Variants in NIN observed in about 807,000 individuals in gnomAD.
The protein encoded by NIN is glycogen synthase kinase 3 beta-interacting protein.
A neutral mutation model predicts 257.6 loss-of-function variants in NIN; 137 were observed. The observed-to-expected ratio is 0.53, with a 90% CI of 0.46 to 0.61. NIN has a LOEUF of 0.61. Among genes scored for constraint, NIN ranks in the 20% least tolerant of loss-of-function variants. The probability of loss-of-function intolerance (pLI) is 0.00; values close to 1 mark genes in which losing one functional copy is unlikely to be tolerated. For missense variants in NIN, 2,439 were observed against 2,501.2 expected, an observed-to-expected ratio of 0.98 and a Z score of 0.53; for synonymous variants, 918 against 919.8, an observed-to-expected ratio of 1.00 and a Z score of 0.04.
chr14:50,722,974 T>G lies in NIN; in HGVS notation c.*489A>C, dbSNP rs1009497212. ...AGCCCTGCCTCCTAACCAATTATAC[T>G]CTACTAATTGTCTACCAATTCAAAG... On this transcript the variant is annotated 3_prime_UTR_variant, in exon 31 of 31. Transcript: ENST00000530997. 1 of 212,876 alleles carries G rather than the reference T, an allele frequency of 4.7e-6. No individual in the cohort carries two copies. The highest frequency in any genetic ancestry group is 9.5e-6 in the Non-Finnish European group (1 of 105,500). The allele number at this position is 212,876 out of a possible 1,614,324, so 13.2% of individuals were successfully genotyped here. A position where few individuals can be genotyped will look rare whatever the true frequency, so the allele number is the denominator to read the frequency against.
chr14:50,818,261 T>C (rs2045020310), intron 3 of NIN, among the ~76,000 whole-genome samples: 1 of 146,364 alleles, frequency 6.8e-6, no homozygotes, highest in Non-Finnish European at 1.5e-5. Flanking sequence ...AGGCGGAGCT[T>C]GCAGTGAGCC....
chr14:50,740,804 A>G (rs1437841474), intron 25 of NIN, among the ~76,000 whole-genome samples: 1 of 152,176 alleles, frequency 6.6e-6, no homozygotes, highest in Non-Finnish European at 1.5e-5. Context: ...TTTTTTTATA[A>G]AAAGTTTCAC....
At chr14:50,789,447 C>G (rs912381266) in intron 5 of NIN, among the ~76,000 whole-genome samples, 16 of 152,200 alleles carry the variant, frequency 1.1e-4, no homozygotes, top group Admixed American at 2.0e-4. Context: ...GTGGCATGTG[C>G]CTGTAACCCA....
rs925824335 is a variant in NIN at position 50,772,961 on chromosome 14, G to A, written c.801C>T (p.His267=). 2.5e-6 allele frequency: 4 copies of A among 1,609,698 alleles called. No homozygotes were observed. In the African/African-American group the frequency reaches 5.4e-5, roughly 22 times the overall value. Reference sequence around the variant, plus strand: ...GCTTATTTTTTACCTGCATGGAAAGGTGCCTTTTTAGTTGTCTATATGGAG... The same window carrying A: ...GCTTATTTTTTACCTGCATGGAAAGATGCCTTTTTAGTTGTCTATATGGAG... ...ASTPYRQLKR[H]LSMQSFDESG... Residue 267 remains histidine (H), a synonymous_variant, in exon 8 of 31, where the codon CAC becomes CAT. Coordinates refer to ENST00000530997, the MANE Select transcript of NIN (RefSeq NM_020921.4).
chr14:50,757,968 T>C lies in NIN; in HGVS notation c.3062A>G (p.Glu1021Gly). The change falls in exon 18 of 31, where the codon GAA (glutamate) becomes GGA (glycine). Residue 1021 changes from glutamate to glycine, a missense_variant. This residue lies in a region of NIN where 2,043 missense variants were observed against 2,050.2 expected (regional missense o/e 1.00). Transcript: ENST00000530997. Reference sequence around the variant, plus strand: ...GAGAGGAGATGTTGCCTGCTGCATTTCCTTTATTTTACTCTGAAGTCTGGA... The same window carrying C: ...GAGAGGAGATGTTGCCTGCTGCATTCCCTTTATTTTACTCTGAAGTCTGGA... ...EISRLQSKIK[E>G]MQQATSPLSM... The C allele has an allele frequency of 1.2e-6, 2 of 1,614,214 alleles. No individual in the cohort carries two copies. Among genetic ancestry groups the C allele is most frequent in the East Asian group, 2.2e-5 (1 of 44,878 alleles).
intron 5 of NIN, among the ~76,000 whole-genome samples, chr14:50,790,900 A>C (rs901860162): frequency 6.6e-6 from 1 of 152,232 alleles, no homozygotes; most frequent in Admixed American, 6.5e-5. Context: ...TAACAAGGAT[A>C]TAAGAAACAT....
chr14:50,771,057 G>C, intron 10 of NIN, 65 bp from the exon 11 acceptor site: 3 of 1,557,468 alleles, frequency 1.9e-6, no homozygotes, highest in Middle Eastern at 1.7e-4. Context: ...ACCCAGAAAA[G>C]CTCTCATCTG....
intron 4 of NIN, among the ~76,000 whole-genome samples, chr14:50,804,666 G>T (rs970369554): frequency 1.3e-5 from 2 of 152,076 alleles, no homozygotes; most frequent in African/African-American, 4.8e-5. Flanking sequence ...TTCCTGGCTG[G>T]GACCAAGCTC....
At chr14:50,800,141 T>G (rs1253382105) in intron 4 of NIN, among the ~76,000 whole-genome samples, 1 of 152,176 alleles carries the variant, frequency 6.6e-6, no homozygotes, top group Non-Finnish European at 1.5e-5. Context: ...ATATACATAT[T>G]TTTAAGTTGC....
rs1385703898 is a variant in NIN at position 50,720,523 on chromosome 14, C to T, written c.*2940G>A. 2 of 209,790 alleles carry T rather than the reference C, an allele frequency of 9.5e-6. No homozygotes were observed. The highest frequency in any genetic ancestry group is 1.9e-5 in the Non-Finnish European group (2 of 102,954). 13.0% of individuals were successfully genotyped at this position (209,790 alleles called of 1,614,324 possible). On this transcript the variant is annotated 3_prime_UTR_variant, in exon 31 of 31. Coordinates refer to ENST00000530997, the MANE Select transcript of NIN (RefSeq NM_020921.4). The stretch of plus-strand genomic sequence containing the variant: ...AATACTAGACCTGCAAGATCTCTTC[C>T]TATGCCTTGGAAGCCTATGACTTCA...
intron 12 of NIN, among the ~76,000 whole-genome samples, chr14:50,769,286 G>T (rs527511387): frequency 8.5e-5 from 13 of 152,248 alleles, no homozygotes; most frequent in African/African-American, 3.1e-4. Context: ...GTGGTACCCA[G>T]ATCTAAACCA....
chr14:50,806,404 C>A (rs1299433087), intron 4 of NIN: 1 of 180,574 alleles, frequency 5.5e-6, no homozygotes, highest in Non-Finnish European at 1.1e-5. Context: ...GAAAAAATTT[C>A]CCCAAATCAT....
rs150742753 is a variant in NIN at position 50,762,740 on chromosome 14, G to A, written c.1775-829C>T. Reference sequence around the variant, plus strand: ...TATGACTAATCTCTTAAGGCAGTGGGACCCAAAATAGCTTTGCATGTGGGG... The same window carrying A: ...TATGACTAATCTCTTAAGGCAGTGGAACCCAAAATAGCTTTGCATGTGGGG... On this transcript the variant is annotated intron_variant, in intron 15 of 30. Coordinates refer to ENST00000530997, the MANE Select transcript of NIN (RefSeq NM_020921.4). Among the ~76,000 whole-genome samples, 3 of 152,320 alleles carry A rather than the reference G, an allele frequency of 2.0e-5. No homozygotes were observed. The East Asian group carries it at 5.8e-4, about 29-fold the overall frequency.
intron 5 of NIN, among the ~76,000 whole-genome samples, chr14:50,784,483 G>C (rs1327614122): frequency 6.6e-6 from 1 of 152,180 alleles, no homozygotes; most frequent in Non-Finnish European, 1.5e-5. Context: ...ACTTACAACA[G>C]TGCCCATTAA....
At chr14:50,764,988 G>A (rs979496256) in intron 14 of NIN, among the ~76,000 whole-genome samples, 5 of 150,226 alleles carry the variant, frequency 3.3e-5, no homozygotes, top group Non-Finnish European at 7.4e-5. Flanking sequence ...AAGTGGATGA[G>A]GCTGGGTGGG....
At chr14:50,737,697 G>A (rs1296360467) in intron 27 of NIN, among the ~76,000 whole-genome samples, 2 of 148,098 alleles carry the variant, frequency 1.4e-5, no homozygotes, top group Non-Finnish European at 3.0e-5. Flanking sequence ...CCAGGCTGGA[G>A]TACACTGTGT....
intron 21 of NIN, among the ~76,000 whole-genome samples, chr14:50,751,357 A>C (rs539561220): frequency 5.9e-5 from 9 of 152,358 alleles, no homozygotes; most frequent in Admixed American, 5.9e-4. Context: ...AAATTCACCT[A>C]CAAAAAGGCG....
At chr14:50,794,204 G>T (rs1410621334) in intron 4 of NIN, among the ~76,000 whole-genome samples, 1 of 152,166 alleles carries the variant, frequency 6.6e-6, no homozygotes, top group African/African-American at 2.4e-5. Flanking sequence ...CCTTCCCTCT[G>T]GGACAAGCTC....
intron 21 of NIN, among the ~76,000 whole-genome samples, chr14:50,750,359 C>T (rs2041735583): frequency 6.6e-6 from 1 of 152,232 alleles, no homozygotes; most frequent in South Asian, 2.1e-4. Context: ...TACCGCAGAT[C>T]TCAATGTAAC....
Sources: gnomAD v4.1 joint callset for allele counts (sites outside exome capture counted in the v4.1 genomes callset) on GRCh38, gnomAD v4.1.1 for gene constraint, gnomAD v4.1.1 regional missense constraint, MANE v1.5 for transcripts, NCBI Gene and HGNC (gene_info 2026-07-23, HGNC 2026-07-21) for gene names.